ZNF420: variants seen among roughly 807,000 people sequenced by gnomAD.
ZNF420 encodes zinc finger protein 420.
A neutral mutation model predicts 44.7 loss-of-function variants in ZNF420; 31 were observed. That is an observed-to-expected ratio of 0.69 (90% CI 0.52 to 0.94). The LOEUF is 0.94. Among genes scored for constraint, ZNF420 ranks in the 40% least tolerant of loss-of-function variants. The pLI, the probability that ZNF420 is intolerant of heterozygous loss-of-function variation, is 0.00. For synonymous variants in ZNF420, 245 were observed against 267.4 expected (o/e 0.92, Z 0.82); for missense variants, 681 against 827.9 (o/e 0.82, Z 2.18).
chr19:37,127,768 C>A lies in ZNF420; in HGVS notation c.777C>A (p.Ala259=). Residue 259 remains alanine (A), a synonymous_variant, in exon 5 of 5, where the codon GCC becomes GCA. Transcript: ENST00000337995. ...ATGAATGTAAAGAATGTGGGAAGGC[C>A]TTTACTCAGAATTCACAACTTACAC... The part of the protein sequence containing the change: ...KPYECKECGK[A]FTQNSQLTLH... 1 of 1,613,876 alleles carries A rather than the reference C, an allele frequency of 6.2e-7. No homozygotes were observed. Among genetic ancestry groups the A allele is most frequent in the South Asian group, 1.1e-5 (1 of 91,072 alleles).
In ZNF420 at chr19:37,128,822, G is replaced by C. The variant is rs1427131878; in HGVS notation, c.1831G>C (p.Gly611Arg). The stretch of plus-strand genomic sequence containing the variant: ...TACTCTACATCAGAGAATCCATACT[G>C]GTGAGAAGCCCTATGAATGCAGAGA... ...QLTLHQRIHT[G>R]EKPYECRECR... The change falls in exon 5 of 5, where the codon GGT becomes CGT. Residue 611 changes from glycine (G) to arginine (R), a missense_variant. By Grantham distance (125) the Gly-to-Arg change is moderately radical. Transcript: ENST00000337995. The C allele has an allele frequency of 6.2e-7, 1 of 1,613,732 alleles. No homozygotes were observed. The highest frequency in any genetic ancestry group is 2.2e-5 in the East Asian group (1 of 44,878).
At chr19:37,095,807 C>T (rs745384156) in intron 4 of ZNF420, among the ~76,000 whole-genome samples, 4 of 152,160 alleles carry the variant, frequency 2.6e-5, no homozygotes, top group African/African-American at 9.7e-5. Context: ...CCATGTTGGC[C>T]AGGCTGGTCT....
intron 1 of ZNF420, among the ~76,000 whole-genome samples, chr19:37,064,584 A>C (rs1471656246): frequency 1.3e-5 from 2 of 152,172 alleles, no homozygotes; most frequent in Non-Finnish European, 2.9e-5. Flanking sequence ...AGTAAAATAT[A>C]TATTTTATGT....
intron 4 of ZNF420, among the ~76,000 whole-genome samples, chr19:37,122,620 A>C (rs1971115901): frequency 6.6e-6 from 1 of 152,178 alleles, no homozygotes; most frequent in Non-Finnish European, 1.5e-5. Flanking sequence ...TAATTTAAAA[A>C]AACAACAACA....
chr19:37,079,041 G>A (rs905385531), intron 1 of ZNF420, among the ~76,000 whole-genome samples: 1 of 151,840 alleles, frequency 6.6e-6, no homozygotes, highest in African/African-American at 2.4e-5. Context: ...TTGGGTGACT[G>A]TCTGATTGTG....
At chr19:37,066,089 AT>A (rs1395542577) in intron 1 of ZNF420, among the ~76,000 whole-genome samples, 1 of 152,240 alleles carries the variant, frequency 6.6e-6, no homozygotes, top group Non-Finnish European at 1.5e-5. Context: ...GAATTGACAA[AT>A]GTTATCAAAA....
intron 1 of ZNF420, among the ~76,000 whole-genome samples, chr19:37,062,424 T>G (rs1279664519): frequency 6.6e-6 from 1 of 152,218 alleles, no homozygotes; most frequent in Non-Finnish European, 1.5e-5. Flanking sequence ...TTCGTGTCCA[T>G]GAAAATCTTT....
intron 4 of ZNF420, among the ~76,000 whole-genome samples, chr19:37,108,965 G>A (rs144643455): frequency 0.015 from 2,267 of 152,218 alleles, 24 homozygotes; most frequent in African/African-American, 0.028. Flanking sequence ...GGGAATTTCC[G>A]TGGGGCAAGG....
intron 4 of ZNF420, among the ~76,000 whole-genome samples, chr19:37,124,104 A>C (rs7260599): frequency 0.56 from 84,789 of 151,942 alleles, 25,121 homozygotes; most frequent in African/African-American, 0.75. Context: ...TCTCCCCTTT[A>C]ACCATTCCCA....
chr19:37,094,316 G>C (rs1394026018), intron 4 of ZNF420, among the ~76,000 whole-genome samples: 2 of 152,016 alleles, frequency 1.3e-5, no homozygotes, highest in South Asian at 4.1e-4. Context: ...TCCTTAATGA[G>C]GGTGGATACA....
At chr19:37,070,954 C>T (rs965689185) in intron 1 of ZNF420, among the ~76,000 whole-genome samples, 14 of 152,168 alleles carry the variant, frequency 9.2e-5, no homozygotes, top group African/African-American at 1.9e-4. Context: ...AGAACACACT[C>T]GTTCTTTTAC....
chr19:37,118,940 T>C (rs1002807536), intron 4 of ZNF420, among the ~76,000 whole-genome samples: 3 of 152,130 alleles, frequency 2.0e-5, no homozygotes, highest in East Asian at 1.9e-4. Flanking sequence ...TATATATGCA[T>C]CCGATACAGG....
In ZNF420 at chr19:37,103,980, C is replaced by CTT. The variant is rs59756045; in HGVS notation, c.136+12871_136+12872dup. Reference sequence around the variant, plus strand: ...AGCTCTTCTCTCATTTTTTTTTTGTCTTTTTTTTTTTTTATTATACTTTAA... The same window carrying CTT: ...AGCTCTTCTCTCATTTTTTTTTTGTCTTTTTTTTTTTTTTTATTATACTTTAA... On this transcript the variant is annotated intron_variant, in intron 4 of 4. Transcript: ENST00000337995. 6.5e-5 allele frequency among the ~76,000 whole-genome samples: 9 copies of CTT among 139,218 alleles called. No homozygotes were observed. In the East Asian group the frequency reaches 1.2e-3, roughly 19 times the overall value. The allele number at this position is 139,218 out of a possible 152,430, so 91.3% of individuals were successfully genotyped here.
intron 4 of ZNF420, among the ~76,000 whole-genome samples, chr19:37,124,660 T>G (rs1023071681): frequency 2.6e-5 from 1 of 38,830 alleles, no homozygotes; most frequent in Non-Finnish European, 6.0e-5. Context: ...GGATAATTGT[T>G]TTTTTTTTCT....
intron 2 of ZNF420, among the ~76,000 whole-genome samples, chr19:37,080,917 CGTG>C: frequency 6.6e-6 from 1 of 151,598 alleles, no homozygotes; most frequent in South Asian, 2.1e-4. Context: ...ATTAGTTGGG[CGTG>C]GTGGTGGATG....
chr19:37,050,635 A>G (rs1380515631), intron 1 of ZNF420, among the ~76,000 whole-genome samples: 4 of 152,202 alleles, frequency 2.6e-5, no homozygotes, highest in African/African-American at 9.7e-5. Context: ...GGGGTTTTCT[A>G]GATACACAGT....
intron 1 of ZNF420, among the ~76,000 whole-genome samples, chr19:37,050,021 G>T (rs554398513): frequency 6.6e-6 from 1 of 152,248 alleles, no homozygotes; most frequent in African/African-American, 2.4e-5. Flanking sequence ...AGATCAGATG[G>T]TTGTAGATAT....
At chr19:37,012,867 TTGTC>T (rs56214650) in intron 1 of ZNF420, among the ~76,000 whole-genome samples, 35,604 of 150,382 alleles carry the variant, frequency 0.24, 4,938 homozygotes, top group Non-Finnish European at 0.32. Flanking sequence ...CTTACTTTCT[TTGTC>T]TGTGCGCCCG....
intron 1 of ZNF420, among the ~76,000 whole-genome samples, chr19:37,008,417 C>T (rs2074544858): frequency 6.6e-6 from 1 of 152,172 alleles, no homozygotes; most frequent in Admixed American, 6.5e-5. Context: ...TGCATCTCTG[C>T]CTGGGTCATG....
Sources: allele counts gnomAD v4.1 joint callset (sites outside exome capture counted in the v4.1 genomes callset), GRCh38; gene constraint gnomAD v4.1.1; transcripts MANE v1.5; gene names NCBI Gene and HGNC (gene_info 2026-07-23, HGNC 2026-07-21).